Variants in HIVEP1 observed in about 807,000 individuals in gnomAD.
HIVEP1 encodes zinc finger protein 40.
Under a neutral mutation model 180.0 loss-of-function variants are expected in HIVEP1, and 36 were observed. The ratio of observed to expected loss-of-function variants is 0.20; its 90% CI spans 0.15 to 0.26. HIVEP1 has a LOEUF of 0.26. Among genes scored for constraint, HIVEP1 ranks in the 10% least tolerant of loss-of-function variants. The pLI, the probability that HIVEP1 is intolerant of heterozygous loss-of-function variation, is 1.00. For synonymous variants in HIVEP1, 1,239 were observed against 1,239.0 expected (o/e 1.00, Z 0.00); for missense variants, 3,143 against 3,268.7 (o/e 0.96, Z 0.94).
intron 2 of HIVEP1, among the ~76,000 whole-genome samples, chr6:12,029,029 TCCTTA>T (rs1372728736): frequency 6.6e-6 from 1 of 152,250 alleles, no homozygotes; most frequent in Non-Finnish European, 1.5e-5. Flanking sequence ...ATCAGGATCT[TCCTTA>T]CCTTTTATCG....
chr6:12,127,804 G>T (rs1394788990), intron 4 of HIVEP1, among the ~76,000 whole-genome samples: 1 of 152,226 alleles, frequency 6.6e-6, no homozygotes, highest in African/African-American at 2.4e-5. Context: ...AAACACAGAA[G>T]AAGATATTCA....
chr6:12,010,322 CATG>C (rs1278703195), upstream of HIVEP1, among the ~76,000 whole-genome samples: 1 of 152,322 alleles, frequency 6.6e-6, no homozygotes, highest in African/African-American at 2.4e-5. Flanking sequence ...TCTCCCTTTA[CATG>C]ATATTATTTT....
At chr6:12,064,986 TATCTTCAGGTTG>T (rs1369465658) in intron 2 of HIVEP1, among the ~76,000 whole-genome samples, 4 of 152,234 alleles carry the variant, frequency 2.6e-5, no homozygotes, top group Non-Finnish European at 5.9e-5. Flanking sequence ...TTGGCTCTTC[TATCTTCAGGTTG>T]CTAAAACATC....
intron 2 of HIVEP1, among the ~76,000 whole-genome samples, chr6:12,075,893 A>G (rs1209361810): frequency 1.3e-5 from 2 of 152,210 alleles, no homozygotes; most frequent in African/African-American, 4.8e-5. Context: ...CCTTAATAAT[A>G]TGGTCAAATA....
intron 2 of HIVEP1, among the ~76,000 whole-genome samples, chr6:12,086,620 A>C (rs1773140288): frequency 6.6e-6 from 1 of 152,014 alleles, no homozygotes; most frequent in African/African-American, 2.4e-5. Flanking sequence ...AAGGTTTGGC[A>C]AAAAGGATGT....
chr6:12,046,764 C>T (rs886848776), intron 2 of HIVEP1, among the ~76,000 whole-genome samples: 2 of 148,642 alleles, frequency 1.3e-5, no homozygotes, highest in African/African-American at 5.0e-5. Flanking sequence ...GGTGACAGAG[C>T]GAGACTCTGT....
chr6:12,167,683 T>TATAATATATATACATATATACATTTATGC (rs1760757386), downstream of HIVEP1, among the ~76,000 whole-genome samples: 1 of 104,104 alleles, frequency 9.6e-6, no homozygotes, highest in Non-Finnish European at 1.9e-5. Flanking sequence ...CATATATGTG[T>TATAATATATATACATATATACATTTATGC]ATAATATATA....
intron 7 of HIVEP1, among the ~76,000 whole-genome samples, chr6:12,153,424 A>C (rs1759821358): frequency 6.6e-6 from 1 of 152,192 alleles, no homozygotes; most frequent in Non-Finnish European, 1.5e-5. Context: ...TCTGAGAAAA[A>C]GTCAACTCCT....
At chr6:12,139,450 A>G (rs934927655) in intron 7 of HIVEP1, among the ~76,000 whole-genome samples, 1 of 152,176 alleles carries the variant, frequency 6.6e-6, no homozygotes, top group Non-Finnish European at 1.5e-5. Context: ...CTGCATTTCC[A>G]ACTGAGGTAC....
At chr6:12,090,108 G>A (rs932201356) in intron 3 of HIVEP1, among the ~76,000 whole-genome samples, 7 of 152,146 alleles carry the variant, frequency 4.6e-5, no homozygotes, top group Non-Finnish European at 1.0e-4. Flanking sequence ...TAAAAAAATA[G>A]ATGTGATGCA....
rs181956771 is a variant in HIVEP1, at chr6:12,159,126, A to G, written c.6488-2313A>G. Among the ~76,000 whole-genome samples, 526 of 151,994 alleles carry G rather than the reference A, an allele frequency of 3.5e-3. 2 individuals are homozygous for G. The Middle Eastern group carries it at 0.037, about 11-fold the overall frequency. The stretch of plus-strand genomic sequence containing the variant: ...TGTCTCCTTAGATTTTGGGCTGTTG[A>G]TTATCTGGGACCTCGGCTTATTGAT... On this transcript the variant is annotated intron_variant, in intron 7 of 8. Transcript: ENST00000379388.
intron 2 of HIVEP1, among the ~76,000 whole-genome samples, chr6:12,076,721 T>A (rs115216412): frequency 0.014 from 2,156 of 152,252 alleles, 24 homozygotes; most frequent in Middle Eastern, 0.065. Flanking sequence ...TGCCTCCCAT[T>A]GCTGTTGCAT....
In HIVEP1 at chr6:12,136,923, G is replaced by A. The variant is rs59599882; in HGVS notation, c.6487+1031G>A. Among the ~76,000 whole-genome samples the A allele has an allele frequency of 5.8e-3, 885 of 152,220 alleles. 5 individuals are homozygous for A. Among genetic ancestry groups the A allele is most frequent in the African/African-American group, 0.02 (848 of 41,552 alleles). ...GAAAAAGTATTCTGCTTTTTAAAAT[G>A]CCCTGAATTAAACATTTACGTGCTT... On this transcript the variant is annotated intron_variant, in intron 7 of 8. Transcript: ENST00000379388.
chr6:12,110,807 A>G (rs1030692860), intron 3 of HIVEP1, among the ~76,000 whole-genome samples: 5 of 152,220 alleles, frequency 3.3e-5, no homozygotes, highest in Non-Finnish European at 5.9e-5. Flanking sequence ...ACTGGCTGGT[A>G]CAAGCATCCT....
chr6:12,129,070 TGTG>T (rs1487693080), intron 4 of HIVEP1, among the ~76,000 whole-genome samples: 1 of 151,868 alleles, frequency 6.6e-6, no homozygotes, highest in Non-Finnish European at 1.5e-5. Context: ...GGTAGCCAGG[TGTG>T]GTGGCTCAGG....
upstream of HIVEP1, chr6:12,007,935 T>C (rs1767094392): frequency 6.6e-6 from 1 of 152,154 alleles, no homozygotes; most frequent in African/African-American, 2.4e-5. Flanking sequence ...ATTTGTAATC[T>C]TCCAGAGGGC....
chr6:12,096,557 TA>T (rs1297161206), intron 3 of HIVEP1, among the ~76,000 whole-genome samples: 3 of 151,588 alleles, frequency 2.0e-5, no homozygotes, highest in African/African-American at 4.8e-5. Flanking sequence ...ATGATATTAT[TA>T]AAAAAATATA....
rs143798026 is a variant in HIVEP1, at chr6:12,042,985, G to A, written c.40+27317G>A. Among the ~76,000 whole-genome samples the A allele has an allele frequency of 1.3e-4, 20 of 152,224 alleles. No individual in the cohort carries two copies. In the East Asian group the frequency reaches 1.3e-3, roughly 10 times the overall value. On this transcript the variant is annotated intron_variant, in intron 2 of 8. Coordinates refer to ENST00000379388, the MANE Select transcript of HIVEP1 (RefSeq NM_002114.4). ...CATTTTTCCCCCTACAAATAAAGCCGATTTCTCAGTGTTGTTTACTAAATG... is the reference window on the plus strand; with the variant it reads ...CATTTTTCCCCCTACAAATAAAGCCAATTTCTCAGTGTTGTTTACTAAATG...
chr6:12,057,822 G>A (rs1252942294), intron 2 of HIVEP1, among the ~76,000 whole-genome samples: 1 of 152,198 alleles, frequency 6.6e-6, no homozygotes, highest in African/African-American at 2.4e-5. Context: ...AGGGGAGTCA[G>A]TAGAATCCTT....
Sources: allele counts gnomAD v4.1 joint callset (sites outside exome capture counted in the v4.1 genomes callset), GRCh38; gene constraint gnomAD v4.1.1; transcripts MANE v1.5; gene names NCBI Gene and HGNC (gene_info 2026-07-23, HGNC 2026-07-21).